MIER2: variants seen among roughly 807,000 people sequenced by gnomAD.
MIER2 encodes the protein MIER family member 2, also known as mesoderm induction early response protein 2.
Under a neutral mutation model 67.6 loss-of-function variants are expected in MIER2, and 30 were observed. That is an observed-to-expected ratio of 0.44 (90% CI 0.33 to 0.60). The LOEUF (loss-of-function observed/expected upper bound fraction) is 0.60, where lower values mean the gene tolerates loss of function less well. Ranked by LOEUF, MIER2 falls within the 20% of genes least tolerant of loss-of-function variation. The pLI is 0.02. For synonymous variants in MIER2, 372 were observed against 312.6 expected, an observed-to-expected ratio of 1.19 and a Z score of -2.00; for missense variants, 702 against 745.1, an observed-to-expected ratio of 0.94 and a Z score of 0.67.
intron 7 of MIER2, among the ~76,000 whole-genome samples, chr19:320,132 T>G (rs1971438258): frequency 6.6e-6 from 1 of 151,878 alleles, no homozygotes; most frequent in Non-Finnish European, 1.5e-5. Context: ...CCCGGCACTC[T>G]GGGGGGCTGA....
In MIER2 at chr19:307,191, C is replaced by T. The variant is rs1384528117; in HGVS notation, c.1544G>A (p.Gly515Glu). The change falls in exon 13 of 14, where the codon GGG becomes GAG. Residue 515 changes from glycine to glutamate, a missense_variant. Gly to Glu is a moderately conservative substitution (Grantham distance 98). Transcript: ENST00000264819. ...GGCGGCCAGGAAGGGGTTCACGTCC[C>T]CAATGCCGATGAGTCCAAACTCGGT... ...SVTEFGLIGI[G>E]DVNPFLAAHP... is the part of the protein sequence containing the mutation. 6.3e-7 allele frequency: 1 copy of T among 1,590,040 alleles called. No homozygotes were observed. Among genetic ancestry groups the T allele is most frequent in the Non-Finnish European group, 8.6e-7 (1 of 1,168,438 alleles).
intron 7 of MIER2, among the ~76,000 whole-genome samples, chr19:313,904 G>A (rs1236285779): frequency 6.6e-6 from 1 of 152,230 alleles, no homozygotes; most frequent in Non-Finnish European, 1.5e-5. Flanking sequence ...AGGGAGCCAT[G>A]AGCAGTCAGC....
chr19:334,229 T>A (rs1972141362), intron 3 of MIER2, 171 bp downstream of exon 3: 1 of 917,384 alleles, frequency 1.1e-6, no homozygotes, highest in Non-Finnish European at 1.7e-6. Flanking sequence ...GAGAGCCCCA[T>A]GAAAGACCTG....
At chr19:309,238 T>C (rs1431867354) in intron 10 of MIER2, among the ~76,000 whole-genome samples, 1 of 151,982 alleles carries the variant, frequency 6.6e-6, no homozygotes, top group Non-Finnish European at 1.5e-5. Flanking sequence ...CAGGCCTCTG[T>C]CTACTGCTCA....
At chr19:313,823 T>C (rs565294897) in intron 7 of MIER2, among the ~76,000 whole-genome samples, 180 bp from the exon 8 acceptor site, 96 of 152,208 alleles carry the variant, frequency 6.3e-4, no homozygotes, top group South Asian at 3.3e-3. Flanking sequence ...CTGTGCTCAA[T>C]TCAACTACCG....
At chr19:312,006 AGGCCGG>A in intron 9 of MIER2, 67 bp from the exon 10 acceptor site, 3 of 1,291,728 alleles carry the variant, frequency 2.3e-6, no homozygotes, top group Admixed American at 2.1e-5. Flanking sequence ...AGGAAGGCCC[AGGCCGG>A]GGAGAACAGT....
Position 331,360 on chromosome 19 carries a change from G to GA in MIER2, c.243+3039dup, listed in dbSNP as rs917485905. On this transcript the variant is annotated intron_variant, in intron 3 of 13. Coordinates refer to ENST00000264819, the MANE Select transcript of MIER2 (RefSeq NM_017550.3). ...GCAACAGAGTGAGACTCTGTCCCCA[G>GA]AAAAAAAAAAAAAAGACAGAAACTG... Among the ~76,000 whole-genome samples, 418 of 117,776 alleles carry GA rather than the reference G, an allele frequency of 3.5e-3. 1 individual carries two copies. Among genetic ancestry groups the GA allele is most frequent in the Non-Finnish European group, 4.1e-3 (231 of 55,972 alleles). The allele number at this position is 117,776 out of a possible 152,430, so 77.3% of individuals were successfully genotyped here. A position where few individuals can be genotyped will look rare whatever the true frequency, so the allele number is the denominator to read the frequency against.
intron 3 of MIER2, among the ~76,000 whole-genome samples, chr19:331,246 T>G (rs192665833): frequency 6.7e-4 from 102 of 151,570 alleles, no homozygotes; most frequent in African/African-American, 2.3e-3. Flanking sequence ...TAGTCCCAGC[T>G]ACTCAGGAGG....
chr19:344,517 G>A (rs1217432148), intron 1 of MIER2: 6 of 367,924 alleles, frequency 1.6e-5, no homozygotes, highest in South Asian at 1.1e-4. Context: ...GCCCCCGCCC[G>A]CCCCGCGCCG....
chr19:342,484 G>A (rs1486768569), intron 1 of MIER2, among the ~76,000 whole-genome samples: 1 of 151,728 alleles, frequency 6.6e-6, no homozygotes, highest in African/African-American at 2.4e-5. Context: ...AGATCCGTGG[G>A]GACCACCTCA....
intron 7 of MIER2, among the ~76,000 whole-genome samples, chr19:321,395 G>A (rs865970430): frequency 3.3e-5 from 5 of 152,094 alleles, no homozygotes; most frequent in South Asian, 2.1e-4. Context: ...CTGTAATCCC[G>A]GCACTTTGGG....
At chr19:341,621 C>T (rs779005753) in intron 1 of MIER2, among the ~76,000 whole-genome samples, 11 of 152,122 alleles carry the variant, frequency 7.2e-5, no homozygotes, top group Non-Finnish European at 1.2e-4. Flanking sequence ...AAAGCAGGTT[C>T]CCAGGGACTC....
intron 1 of MIER2, chr19:344,252 G>A: frequency 3.0e-6 from 3 of 985,364 alleles, no homozygotes; most frequent in Non-Finnish European, 3.6e-6. Context: ...ATCCCGCCCG[G>A]GGTCTGACCC....
In MIER2 at chr19:307,130, C is replaced by T. The variant is rs753999896; in HGVS notation, c.1605G>A (p.Glu535=). The change falls in exon 13 of 14, where the codon GAG becomes GAA. Residue 535 remains glutamate, a synonymous_variant. Coordinates refer to ENST00000264819, the MANE Select transcript of MIER2 (RefSeq NM_017550.3). Reference sequence around the variant, plus strand: ...GGGGTGGCACTCACTGTGACAGGGGCTCCGAGTGTAGCCCGGGGGCCGGGC... The same window carrying T: ...GGGGTGGCACTCACTGTGACAGGGGTTCCGAGTGTAGCCCGGGGGCCGGGC... The part of the protein sequence containing the change: ...PTCPAPGLHS[E]PLSHCNVMTC The T allele has an allele frequency of 2.5e-6, 4 of 1,582,818 alleles. No individual in the cohort carries two copies. Among genetic ancestry groups the T allele is most frequent in the Non-Finnish European group, 3.4e-6 (4 of 1,164,834 alleles).
At chr19:344,740 G>A in intron 1 of MIER2, 34 bp downstream of exon 1, 1 of 1,156,646 alleles carries the variant, frequency 8.6e-7, no homozygotes, top group Non-Finnish European at 1.1e-6. Context: ...ACGCGCGGGG[G>A]CGGGGGGCCG....
At chr19:310,995 C>T (rs977276407) in intron 10 of MIER2, among the ~76,000 whole-genome samples, 2 of 152,256 alleles carry the variant, frequency 1.3e-5, no homozygotes, top group Non-Finnish European at 2.9e-5. Flanking sequence ...CAGTCCATCG[C>T]TGCTGCGCAC....
rs180944434 is a variant in MIER2, at chr19:319,230, C to T, written c.656-5587G>A. Among the ~76,000 whole-genome samples the T allele has an allele frequency of 3.7e-3, 545 of 146,166 alleles. 10 individuals are homozygous for T. In the East Asian group the frequency reaches 0.043, roughly 11 times the overall value. On this transcript the variant is annotated intron_variant, in intron 7 of 13. Transcript: ENST00000264819. ...TACAAAAATTAGCTAGGCGTGGTGGCGGGCGCCTGTAGTCCCAGCTACTCA... is the reference window on the plus strand; with the variant it reads ...TACAAAAATTAGCTAGGCGTGGTGGTGGGCGCCTGTAGTCCCAGCTACTCA...
At chr19:321,580 G>A (rs184184134) in intron 7 of MIER2, among the ~76,000 whole-genome samples, 3 of 152,098 alleles carry the variant, frequency 2.0e-5, no homozygotes, top group Admixed American at 2.0e-4. Context: ...GGAGGCGGAG[G>A]TTGTGGTGAG....
In MIER2 at chr19:329,073, G is replaced by A. The variant is rs140633908; in HGVS notation, c.244-1084C>T. Among the ~76,000 whole-genome samples, 297 of 152,202 alleles carry A rather than the reference G, an allele frequency of 2.0e-3. 4 individuals carry two copies. The highest frequency in any genetic ancestry group is 4.1e-3 in the East Asian group (21 of 5,178). ...CTAGTCCTGTCTGCTCAGACTCCACGCTGATCCCTGTGGGTCACTTTCAGC... is the reference window on the plus strand; with the variant it reads ...CTAGTCCTGTCTGCTCAGACTCCACACTGATCCCTGTGGGTCACTTTCAGC... On this transcript the variant is annotated intron_variant, in intron 3 of 13. Coordinates refer to ENST00000264819, the MANE Select transcript of MIER2 (RefSeq NM_017550.3).
Sources: gnomAD v4.1 joint callset for allele counts (sites outside exome capture counted in the v4.1 genomes callset) on GRCh38, gnomAD v4.1.1 for gene constraint, MANE v1.5 for transcripts, NCBI Gene and HGNC (gene_info 2026-07-23, HGNC 2026-07-21) for gene names.